SYT1: variants seen among roughly 807,000 people sequenced by gnomAD.
The protein encoded by SYT1 is synaptotagmin-1.
Under a neutral mutation model 44.8 loss-of-function variants are expected in SYT1, and 8 were observed. That is an observed-to-expected ratio of 0.18 (90% confidence interval 0.10 to 0.32). The LOEUF (loss-of-function observed/expected upper bound fraction) is 0.32, where lower values mean the gene tolerates loss of function less well. SYT1 is among the 10% of genes least tolerant of loss of function. The pLI is 1.00. For synonymous variants in SYT1, 154 were observed against 188.8 expected (o/e 0.82, Z 1.51); for missense variants, 286 against 509.3 (o/e 0.56, Z 4.22).
chr12:79,308,657 A>G (rs187962030), intron 8 of SYT1, among the ~76,000 whole-genome samples: 1 of 151,788 alleles, frequency 6.6e-6, no homozygotes, highest in East Asian at 1.9e-4. Flanking sequence ...AGAAAGAAAG[A>G]AAAGAGAAGG....
intron 1 of SYT1, among the ~76,000 whole-genome samples, chr12:78,876,461 GTGTTTTTTTTT>G (rs1457710183): frequency 6.9e-4 from 21 of 30,238 alleles, no homozygotes; most frequent in Admixed American, 5.3e-3. Context: ...GAAAATGGAG[GTGTTTTTTTTT>G]TTTTTTTTTT....
intron 8 of SYT1, among the ~76,000 whole-genome samples, chr12:79,320,097 C>A (rs1239183487): frequency 1.3e-5 from 2 of 152,114 alleles, no homozygotes; most frequent in Non-Finnish European, 2.9e-5. Context: ...TATTAGTACC[C>A]TCTGGCTGAG....
At chr12:79,216,299 A>T (rs1165530023) in intron 3 of SYT1, among the ~76,000 whole-genome samples, 1 of 152,154 alleles carries the variant, frequency 6.6e-6, no homozygotes, top group East Asian at 1.9e-4. Flanking sequence ...AAAGGTTTTT[A>T]TAAGTTCGTC....
chr12:79,282,255 G>A (rs941232121), intron 4 of SYT1, among the ~76,000 whole-genome samples: 4 of 152,138 alleles, frequency 2.6e-5, no homozygotes, highest in South Asian at 2.1e-4. Flanking sequence ...GGTCATCTTG[G>A]AGGGGCCATT....
At chr12:78,987,454 C>T (rs1426538083) in intron 2 of SYT1, among the ~76,000 whole-genome samples, 1 of 151,990 alleles carries the variant, frequency 6.6e-6, no homozygotes, top group African/African-American at 2.4e-5. Context: ...GAAAAAAAGA[C>T]ACATAAAGTT....
At chr12:78,971,198 T>A (rs1868372278) in intron 1 of SYT1, among the ~76,000 whole-genome samples, 1 of 152,152 alleles carries the variant, frequency 6.6e-6, no homozygotes, top group Non-Finnish European at 1.5e-5. Flanking sequence ...AAATTTTCTC[T>A]CATCATAATT....
chr12:79,068,846 G>A (rs1158488216), intron 3 of SYT1, among the ~76,000 whole-genome samples: 1 of 151,966 alleles, frequency 6.6e-6, no homozygotes, highest in Non-Finnish European at 1.5e-5. Context: ...AGATCCATGT[G>A]GGAAAAATTT....
At chr12:79,152,876 T>TAAAAAA (rs11334533) in intron 3 of SYT1, among the ~76,000 whole-genome samples, 25 of 123,952 alleles carry the variant, frequency 2.0e-4, no homozygotes, top group African/African-American at 6.1e-4. Flanking sequence ...AAGAAAAATG[T>TAAAAAA]AAAAAAAAAA....
At chr12:79,222,362 C>CCATT (rs1875214824) in intron 4 of SYT1, among the ~76,000 whole-genome samples, 1 of 149,386 alleles carries the variant, frequency 6.7e-6, no homozygotes, top group Non-Finnish European at 1.5e-5. Context: ...TTTTCTGCTA[C>CCATT]TATTTATTTA....
intron 4 of SYT1, among the ~76,000 whole-genome samples, chr12:79,241,776 T>C (rs916112626): frequency 6.6e-6 from 1 of 152,246 alleles, no homozygotes; most frequent in African/African-American, 2.4e-5. Flanking sequence ...TCCTAACCCT[T>C]GGTACCTATC....
At chr12:79,263,476 G>T (rs1396619359) in intron 4 of SYT1, among the ~76,000 whole-genome samples, 1 of 151,806 alleles carries the variant, frequency 6.6e-6, no homozygotes, top group African/African-American at 2.4e-5. Flanking sequence ...ATCTTACATT[G>T]CTTGAAAGAC....
At chr12:79,139,413 A>G (rs992083632) in intron 3 of SYT1, among the ~76,000 whole-genome samples, 2 of 152,232 alleles carry the variant, frequency 1.3e-5, no homozygotes, top group Admixed American at 1.3e-4. Context: ...TTTGATGATG[A>G]CATTGAATAA....
intron 3 of SYT1, among the ~76,000 whole-genome samples, chr12:79,172,811 T>TATGTTAGC (rs1018444574): frequency 6.6e-6 from 1 of 151,380 alleles, no homozygotes; most frequent in Non-Finnish European, 1.5e-5. Context: ...CTCTTAAGCC[T>TATGTTAGC]ATGTTAGCAG....
At chr12:79,249,748 G>A (rs2138687654) in intron 4 of SYT1, among the ~76,000 whole-genome samples, 1 of 152,302 alleles carries the variant, frequency 6.6e-6, no homozygotes, top group African/African-American at 2.4e-5. Flanking sequence ...ACCAACAAGA[G>A]AAGGTTAGGT....
chr12:78,926,008 A>C (rs1323917765), intron 1 of SYT1, among the ~76,000 whole-genome samples: 1 of 152,094 alleles, frequency 6.6e-6, no homozygotes, highest in African/African-American at 2.4e-5. Flanking sequence ...GCATAAGCAC[A>C]GTGTTATTGC....
At chr12:78,925,010 C>T (rs1317927432) in intron 1 of SYT1, among the ~76,000 whole-genome samples, 1 of 151,796 alleles carries the variant, frequency 6.6e-6, no homozygotes. Flanking sequence ...GTATAATTAT[C>T]TATATGAATA....
intron 4 of SYT1, among the ~76,000 whole-genome samples, chr12:79,245,656 A>G (rs1245814): frequency 0.68 from 103,594 of 151,314 alleles, 35,764 homozygotes; most frequent in Admixed American, 0.72. Context: ...CTGAGACCAA[A>G]GCAAGCTGTT....
chr12:79,420,569 A>T (rs1373679625), intron 9 of SYT1, among the ~76,000 whole-genome samples: 2 of 152,126 alleles, frequency 1.3e-5, no homozygotes, highest in Non-Finnish European at 2.9e-5. Flanking sequence ...CATTCCTGGC[A>T]CACTTCTGTC....
intron 10 of SYT1, among the ~76,000 whole-genome samples, chr12:79,448,500 G>C (rs1401752883): frequency 6.6e-6 from 1 of 152,150 alleles, no homozygotes. Context: ...ACCAATGCCA[G>C]AACTTTCACT....
Sources: gnomAD v4.1 joint callset for allele counts (sites outside exome capture counted in the v4.1 genomes callset) on GRCh38, gnomAD v4.1.1 for gene constraint, MANE v1.5 for transcripts, NCBI Gene and HGNC (gene_info 2026-07-23, HGNC 2026-07-21) for gene names.